GLT8D2: variants seen among roughly 807,000 people sequenced by gnomAD.
GLT8D2 encodes glycosyltransferase 8 domain containing 2.
In GLT8D2, 45 loss-of-function variants were observed where a neutral mutation model predicts 44.5. The observed-to-expected ratio is 1.01, with a 90% CI of 0.80 to 1.30. The LOEUF (loss-of-function observed/expected upper bound fraction) is 1.30, where lower values mean the gene tolerates loss of function less well. GLT8D2 is among the 50% of genes most tolerant of loss of function. GLT8D2 has a pLI of 0.00. For missense variants in GLT8D2, 400 were observed against 430.4 expected (o/e 0.93, Z 0.62); for synonymous variants, 156 against 157.2 (o/e 0.99, Z 0.06).
chr12:104,033,858 C>A (rs114203142), intron 1 of GLT8D2, among the ~76,000 whole-genome samples: 1 of 151,188 alleles, frequency 6.6e-6, no homozygotes, highest in Non-Finnish European at 1.5e-5. Flanking sequence ...AGGATTGTCA[C>A]CCAGGCTGGA....
intron 1 of GLT8D2, among the ~76,000 whole-genome samples, chr12:104,055,645 G>A (rs1233246174): frequency 6.6e-6 from 1 of 152,158 alleles, no homozygotes; most frequent in East Asian, 1.9e-4. Flanking sequence ...ATTATTCCAT[G>A]TTTATTTCTT....
chr12:104,056,102 C>G (rs1035844117), intron 1 of GLT8D2, among the ~76,000 whole-genome samples: 22 of 152,342 alleles, frequency 1.4e-4, no homozygotes, highest in African/African-American at 4.8e-4. Flanking sequence ...GTTCCCTGTT[C>G]TGGCAATTAA....
intron 4 of GLT8D2, among the ~76,000 whole-genome samples, chr12:104,013,085 T>TA (rs1555278501): frequency 6.6e-6 from 1 of 152,208 alleles, no homozygotes; most frequent in Non-Finnish European, 1.5e-5. Flanking sequence ...TACAGATTTT[T>TA]AAAAATTTAC....
chr12:103,994,585 A>G, intron 8 of GLT8D2, 84 bp from the exon 9 acceptor site: 1 of 1,313,718 alleles, frequency 7.6e-7, no homozygotes, highest in Non-Finnish European at 1.0e-6. Context: ...ACCCTTGTGC[A>G]GTATCTTTGG....
chr12:104,003,445 T>C, intron 4 of GLT8D2, 139 bp from the exon 5 acceptor site: 4 of 751,552 alleles, frequency 5.3e-6, no homozygotes, highest in South Asian at 1.8e-5. Flanking sequence ...CTAGTCATTC[T>C]GTCTTCCCTT....
At chr12:104,019,118 CTTT>C (rs11291563) in intron 3 of GLT8D2, among the ~76,000 whole-genome samples, 3 of 116,436 alleles carry the variant, frequency 2.6e-5, no homozygotes, top group African/African-American at 3.3e-5. Context: ...ACTTCTTCTT[CTTT>C]TTTTTTTTTT....
chr12:103,997,743 G>A (rs781301295), intron 6 of GLT8D2, among the ~76,000 whole-genome samples: 4 of 152,040 alleles, frequency 2.6e-5, no homozygotes, highest in Non-Finnish European at 5.9e-5. Context: ...CTGACGGATC[G>A]GCCGTTCTCC....
chr12:104,002,135 T>TG (rs1455153148), intron 5 of GLT8D2, among the ~76,000 whole-genome samples: 2 of 151,976 alleles, frequency 1.3e-5, no homozygotes, highest in African/African-American at 4.8e-5. Flanking sequence ...ATTTCTAAAA[T>TG]TTTTAGTAGA....
chr12:103,991,332 G>C (rs1342742610), intron 10 of GLT8D2, among the ~76,000 whole-genome samples: 1 of 152,120 alleles, frequency 6.6e-6, no homozygotes, highest in Admixed American at 6.6e-5. Flanking sequence ...GATTACAGGT[G>C]TGTGCCACCA....
intron 1 of GLT8D2, among the ~76,000 whole-genome samples, chr12:104,046,697 T>C (rs920066644): frequency 4.6e-5 from 7 of 152,192 alleles, no homozygotes; most frequent in African/African-American, 1.7e-4. Context: ...AAGAATTCAC[T>C]AAAGGAAAGA....
chr12:104,019,768 G>T, intron 2 of GLT8D2, 92 bp from the exon 3 acceptor site: 2 of 763,884 alleles, frequency 2.6e-6, no homozygotes, highest in East Asian at 2.8e-5. Flanking sequence ...CTGAAAGACT[G>T]ATATATCGTG....
intron 3 of GLT8D2, among the ~76,000 whole-genome samples, chr12:104,018,429 T>G (rs1877171253): frequency 6.6e-6 from 1 of 152,200 alleles, no homozygotes; most frequent in Admixed American, 6.5e-5. Context: ...TCTATTTTGC[T>G]GACACCCAGT....
chr12:104,033,495 G>A (rs1175475814), intron 1 of GLT8D2, among the ~76,000 whole-genome samples: 1 of 152,180 alleles, frequency 6.6e-6, no homozygotes, highest in Non-Finnish European at 1.5e-5. Flanking sequence ...ACCAGGGACA[G>A]AGAGGTGGGG....
intron 1 of GLT8D2, among the ~76,000 whole-genome samples, chr12:104,034,920 G>T (rs767014637): frequency 6.6e-6 from 1 of 152,196 alleles, no homozygotes; most frequent in Non-Finnish European, 1.5e-5. Context: ...ACAGGTGGGT[G>T]CCCCTCTGGG....
chr12:104,053,334 G>A (rs1032495577), upstream of GLT8D2, among the ~76,000 whole-genome samples: 2 of 152,306 alleles, frequency 1.3e-5, no homozygotes, highest in African/African-American at 4.8e-5. Context: ...TGTTATGTAT[G>A]ACTTAGATGT....
At chr12:103,992,784 G>T (rs1566188799) in intron 10 of GLT8D2, among the ~76,000 whole-genome samples, 1 of 152,036 alleles carries the variant, frequency 6.6e-6, no homozygotes, top group African/African-American at 2.4e-5. Flanking sequence ...GAGCCACCAC[G>T]CCCGGCCGAA....
At chr12:104,036,462 G>A (rs1040192150) in intron 1 of GLT8D2, among the ~76,000 whole-genome samples, 2 of 152,108 alleles carry the variant, frequency 1.3e-5, no homozygotes, top group African/African-American at 4.8e-5. Context: ...AGGGATGGAG[G>A]AAGATCTACC....
At chr12:104,050,501 T>C (rs78429605), upstream of GLT8D2, among the ~76,000 whole-genome samples, 1,332 of 152,286 alleles carry the variant, frequency 8.7e-3, 24 homozygotes, top group African/African-American at 0.03. Context: ...ACAACTGTGG[T>C]CTTCTTCTAC....
At chr12:104,029,864 A>T (rs968445857) in intron 1 of GLT8D2, 8 of 152,180 alleles carry the variant, frequency 5.3e-5, no homozygotes, top group Non-Finnish European at 2.9e-5. Context: ...TATGCCCTCA[A>T]AAAAGTGATG....
Sources: allele counts gnomAD v4.1 joint callset (sites outside exome capture counted in the v4.1 genomes callset), GRCh38; gene constraint gnomAD v4.1.1; transcripts MANE v1.5; gene names NCBI Gene and HGNC (gene_info 2026-07-23, HGNC 2026-07-21).